The following SZT2 variants were observed in gnomAD, a reference collection of about 807,000 sequenced individuals.
SZT2 encodes SZT2 subunit of KICSTOR complex.
A neutral mutation model predicts 404.2 loss-of-function variants in SZT2; 216 were observed. The observed-to-expected ratio is 0.53, with a 90% CI of 0.48 to 0.60. The LOEUF is 0.60. Among genes scored for constraint, SZT2 ranks in the 20% least tolerant of loss-of-function variants. SZT2 has a pLI of 0.00. For missense variants in SZT2, 3,857 were observed against 4,459.2 expected, an observed-to-expected ratio of 0.86 and a Z score of 3.85; for synonymous variants, 1,693 against 1,749.9, an observed-to-expected ratio of 0.97 and a Z score of 0.81.
chr1:43,446,475 C>A (rs748062889), intron 65 of SZT2, 59 bp downstream of exon 65: 13 of 1,598,590 alleles, frequency 8.1e-6, no homozygotes, highest in Non-Finnish European at 1.0e-5. Flanking sequence ...GGCAGCATGG[C>A]TCCATGTCCC....
At chr1:43,449,773 G>A in intron 70 of SZT2, 1 of 445,558 alleles carries the variant, frequency 2.2e-6, no homozygotes, top group Non-Finnish European at 4.2e-6. Flanking sequence ...CCCAGGGGTG[G>A]TCAGAGAGGA....
At chr1:43,429,915 G>A in intron 29 of SZT2, 71 bp downstream of exon 29, 2 of 1,612,324 alleles carry the variant, frequency 1.2e-6, no homozygotes, top group Non-Finnish European at 1.7e-6. Context: ...ATTCTCTCCT[G>A]GGCGGGGGGT....
intron 4 of SZT2, among the ~76,000 whole-genome samples, chr1:43,409,184 A>G (rs369794828): frequency 9.2e-5 from 14 of 152,338 alleles, no homozygotes; most frequent in African/African-American, 3.4e-4. Context: ...TGAAGGAAGA[A>G]CAAAGACACA....
In SZT2 at chr1:43,448,102, C is replaced by T; in HGVS notation, c.9587C>T (p.Thr3196Ile). 1 of 1,597,224 alleles carries T rather than the reference C, an allele frequency of 6.3e-7. No homozygotes were observed. Residue 3196 changes from threonine to isoleucine, a missense_variant, in exon 69 of 72, where the codon ACC (threonine) becomes ATC (isoleucine). Thr to Ile is a moderately conservative substitution (Grantham distance 89). This residue lies in a region of SZT2 where 717 missense variants were observed against 868.2 expected (regional missense o/e 0.83). Transcript: ENST00000634258. The surrounding 1 kb of genome is among the most constrained non-coding windows in gnomAD (Gnocchi z 4.2). ...VLRLQFFVVL[T>I]SQRELFPRLT... ...AGGCTACAGTTCTTCGTGGTGCTCA[C>T]CAGCCAGCGAGAGCTCTTCCCCAGG...
chr1:43,412,709 C>T (rs1651217793), intron 4 of SZT2: 1 of 152,080 alleles, frequency 6.6e-6, no homozygotes, highest in African/African-American at 2.4e-5. Context: ...GAAACAACCA[C>T]AGAATGGGAG....
At position 43,439,177 on chromosome 1, in the gene SZT2, T is replaced by C. The variant is rs931426195; in HGVS notation, c.6792+84T>C. ...ACTTACTCTTTCCTACCGATACCCC[T>C]ATATGTACCTTTGCCCATGGACCTG... On this transcript the variant is annotated intron_variant, in intron 48 of 71. Coordinates refer to ENST00000634258, the MANE Select transcript of SZT2 (RefSeq NM_001365999.1). The surrounding 1 kb of genome is among the most constrained non-coding windows in gnomAD (Gnocchi z 4.2). 2.5e-6 allele frequency: 4 copies of C among 1,586,320 alleles called. No homozygotes were observed. The African/African-American group carries it at 4.0e-5, about 16-fold the overall frequency.
chr1:43,392,379 A>G (rs1296415711), intron 1 of SZT2, among the ~76,000 whole-genome samples: 1 of 151,640 alleles, frequency 6.6e-6, no homozygotes, highest in Non-Finnish European at 1.5e-5. Context: ...TCAAGTCAAG[A>G]CACACAATCC....
rs952821910 is a variant in SZT2 at position 43,424,886 on chromosome 1, C to T, written c.2550+24C>T. The T allele has an allele frequency of 1.3e-5, 21 of 1,606,980 alleles. No homozygotes were observed. Among genetic ancestry groups the T allele is most frequent in the Non-Finnish European group, 1.8e-5 (21 of 1,173,726 alleles). On this transcript the variant is annotated intron_variant, in intron 17 of 71. Coordinates refer to ENST00000634258, the MANE Select transcript of SZT2 (RefSeq NM_001365999.1). The surrounding 1 kb of genome is among the most constrained non-coding windows in gnomAD (Gnocchi z 4.1). ...AGGTACGTGCCATCCCCCATGACAC[C>T]TCCCTGCCAAGGTCTGTCATAATCC...
chr1:43,409,428 C>G, intron 4 of SZT2: 1 of 360,396 alleles, frequency 2.8e-6, no homozygotes, highest in South Asian at 2.2e-5. Flanking sequence ...CTAGAATAGT[C>G]AGACAAGAGA....
At position 43,425,534 on chromosome 1, in the gene SZT2, C is replaced by G; in HGVS notation, c.2706C>G (p.Leu902=). 6.2e-7 allele frequency: 1 copy of G among 1,614,178 alleles called. No homozygotes were observed. The highest frequency in any genetic ancestry group is 2.2e-5 in the East Asian group (1 of 44,876). The change falls in exon 19 of 72, where the codon CTC becomes CTG. Residue 902 remains leucine (L), a synonymous_variant. Coordinates refer to ENST00000634258, the MANE Select transcript of SZT2 (RefSeq NM_001365999.1). This position sits in a 1 kb window ranked among gnomAD's most constrained non-coding sequence, Gnocchi z 4.3. ...EVEALEGDSE[L]NLVTEVWVEP... is the part of the protein sequence containing the mutation. ...AGGCCCTGGAGGGAGACTCAGAGCT[C>G]AATCTGGTCACTGAGGTGTGGGTGG...
chr1:43,416,137 A>C (rs1453723212), intron 6 of SZT2, 36 bp downstream of exon 6: 1 of 1,591,222 alleles, frequency 6.3e-7, no homozygotes, highest in East Asian at 2.2e-5. Context: ...CTGGGGAAGC[A>C]GGGATACAGG....
chr1:43,414,658 C>T (rs574152571), intron 4 of SZT2, among the ~76,000 whole-genome samples: 1 of 152,132 alleles, frequency 6.6e-6, no homozygotes, highest in African/African-American at 2.4e-5. Flanking sequence ...ATGGTGACAG[C>T]TGATCTTGGG....
chr1:43,393,059 C>G (rs1648594679), intron 1 of SZT2, among the ~76,000 whole-genome samples: 1 of 152,186 alleles, frequency 6.6e-6, no homozygotes, highest in African/African-American at 2.4e-5. Context: ...AACAGTGGTT[C>G]TCAACCTACC....
At chr1:43,430,246 C>G (rs1330832119) in intron 30 of SZT2, 65 bp from the exon 31 acceptor site, 2 of 1,577,662 alleles carry the variant, frequency 1.3e-6, no homozygotes, top group African/African-American at 2.7e-5. Context: ...AAGTGTAATC[C>G]CACTTGCCTA....
intron 1 of SZT2, among the ~76,000 whole-genome samples, chr1:43,399,079 CAAAAAAAAA>C (rs1320449994): frequency 7.2e-6 from 1 of 138,682 alleles, no homozygotes; most frequent in Non-Finnish European, 1.6e-5. Flanking sequence ...GACTCCGTCT[CAAAAAAAAA>C]AAAGAAAAAA....
rs201312287 is a variant in SZT2 at position 43,431,066 on chromosome 1, C to A, written c.4892C>A (p.Thr1631Lys). ...LTLPLEVELP[T>K]ASDPQHHRST... ...TTGCCCCTGGAAGTGGAGCTCCCCA[C>A]GGCCTCGGACCCTCAGCACCACCGG... The change falls in exon 33 of 72, where the codon ACG (threonine) becomes AAG (lysine). Residue 1631 changes from threonine (T) to lysine (K), a missense_variant. Thr to Lys is a moderately conservative substitution (Grantham distance 78, BLOSUM62 -1). This residue lies in a region of SZT2 where 1,725 missense variants were observed against 1,881.0 expected (regional missense o/e 0.92). Coordinates refer to ENST00000634258, the MANE Select transcript of SZT2 (RefSeq NM_001365999.1). 1 of 1,613,896 alleles carries A rather than the reference C, an allele frequency of 6.2e-7. No homozygotes were observed. The highest frequency in any genetic ancestry group is 1.1e-5 in the South Asian group (1 of 91,026).
intron 12 of SZT2, 101 bp downstream of exon 12, chr1:43,422,326 G>A (rs1297608258): frequency 6.7e-6 from 10 of 1,494,758 alleles, no homozygotes; most frequent in Non-Finnish European, 8.9e-6. Flanking sequence ...CTTACCAACT[G>A]TGGCCAAGGA....
Position 43,452,096 on chromosome 1 carries a change from T to G in SZT2, c.*1616T>G, listed in dbSNP as rs1426812660. 2 of 1,516,126 alleles carry G rather than the reference T, an allele frequency of 1.3e-6. No individual in the cohort carries two copies. Among genetic ancestry groups the G allele is most frequent in the Admixed American group, 1.8e-5 (1 of 56,930 alleles). 93.9% of individuals were successfully genotyped at this position (1,516,126 alleles called of 1,614,324 possible). On this transcript the variant is annotated 3_prime_UTR_variant, in exon 72 of 72. Coordinates refer to ENST00000634258, the MANE Select transcript of SZT2 (RefSeq NM_001365999.1). ...TCAGTCACTGGTCAAGGCCCTCACC[T>G]GTTCCTCTGACCTAGGCTGGCAGCC...
At chr1:43,394,650 G>A (rs1169333410) in intron 1 of SZT2, among the ~76,000 whole-genome samples, 2 of 152,086 alleles carry the variant, frequency 1.3e-5, no homozygotes, top group Admixed American at 6.5e-5. Flanking sequence ...AGGCTGAGGC[G>A]GGTGGATCAC....
Sources: gnomAD v4.1 joint callset for allele counts (sites outside exome capture counted in the v4.1 genomes callset) on GRCh38, gnomAD v4.1.1 for gene constraint, gnomAD v4.1.1 regional missense constraint, Gnocchi (gnomAD v3.1) non-coding constraint, MANE v1.5 for transcripts, NCBI Gene and HGNC (gene_info 2026-07-23, HGNC 2026-07-21) for gene names.